TMEM266: variants seen among roughly 807,000 people sequenced by gnomAD.
TMEM266 encodes transmembrane protein 266, also known as Hv1 related protein 1.
In TMEM266, 33 loss-of-function variants were observed where a neutral mutation model predicts 50.5. The observed-to-expected ratio is 0.65, with a 90% confidence interval of 0.50 to 0.87. TMEM266 has a LOEUF of 0.87. TMEM266 is among the 40% of genes least tolerant of loss of function. The pLI is 0.00. For missense variants in TMEM266, 655 were observed against 695.1 expected (o/e 0.94, Z 0.65); for synonymous variants, 310 against 292.3 (o/e 1.06, Z -0.62).
At chr15:76,095,438 C>A (rs1253268673) in intron 1 of TMEM266, among the ~76,000 whole-genome samples, 1 of 152,172 alleles carries the variant, frequency 6.6e-6, no homozygotes, top group Non-Finnish European at 1.5e-5. Flanking sequence ...ATATGTTGAA[C>A]CAGCCTTGCA....
At chr15:76,125,224 G>T (rs548876377) in intron 1 of TMEM266, among the ~76,000 whole-genome samples, 93 of 152,194 alleles carry the variant, frequency 6.1e-4, no homozygotes, top group African/African-American at 2.2e-3. Context: ...GCTTGACATT[G>T]GTCTTGGCAT....
At chr15:76,176,506 G>T (rs1448006663) in intron 8 of TMEM266, 1 of 152,702 alleles carries the variant, frequency 6.5e-6, no homozygotes, top group Non-Finnish European at 1.5e-5. Flanking sequence ...GGACTGGCAA[G>T]GTGGTGGGAA....
intron 1 of TMEM266, among the ~76,000 whole-genome samples, chr15:76,064,073 A>G (rs2036363641): frequency 6.6e-6 from 1 of 152,150 alleles, no homozygotes. Context: ...TGTAATGGGA[A>G]TGCATAATGT....
In TMEM266 at chr15:76,156,719, C is replaced by T; in HGVS notation, c.343C>T (p.Leu115=). 1 of 1,614,188 alleles carries T rather than the reference C, an allele frequency of 6.2e-7. No individual in the cohort carries two copies. Among genetic ancestry groups the T allele is most frequent in the Non-Finnish European group, 8.5e-7 (1 of 1,180,014 alleles). Residue 115 remains leucine, a synonymous_variant, in exon 4 of 11, where the codon CTG becomes TTG. Transcript: ENST00000388942. The stretch of plus-strand genomic sequence containing the variant: ...CTGTGTAATATTGGTGGTGATTCTC[C>T]TGACTCTGGAACTTCTAATAGATAT...
In TMEM266 at chr15:76,160,855, C is replaced by T. The variant is rs758192154; in HGVS notation, c.456+687C>T. Among the ~76,000 whole-genome samples the T allele has an allele frequency of 3.3e-5, 5 of 152,154 alleles. No individual in the cohort carries two copies. The highest frequency in any genetic ancestry group is 9.7e-5 in the African/African-American group (4 of 41,426). ...AAGTTTATGGAGATCCGCAGGCCCCCGGGCTTGGTGCAGAAGCTGGCATGT... is the reference window on the plus strand; with the variant it reads ...AAGTTTATGGAGATCCGCAGGCCCCTGGGCTTGGTGCAGAAGCTGGCATGT... On this transcript the variant is annotated intron_variant, in intron 5 of 10. Transcript: ENST00000388942. The surrounding 1 kb of genome is among the most constrained non-coding windows in gnomAD (Gnocchi z 5.7).
chr15:76,174,450 C>T lies in TMEM266; in HGVS notation c.653-1109C>T, dbSNP rs577414919. Among the ~76,000 whole-genome samples, 11 of 152,158 alleles carry T rather than the reference C, an allele frequency of 7.2e-5. 1 individual carries two copies. The South Asian group carries it at 2.3e-3, about 32-fold the overall frequency. Reference sequence around the variant, plus strand: ...CCTGTAATCCCAGCTGCTCGGGAGGCTGAGGCTGGAGAATCACTTGAACTT... The same window carrying T: ...CCTGTAATCCCAGCTGCTCGGGAGGTTGAGGCTGGAGAATCACTTGAACTT... On this transcript the variant is annotated intron_variant, in intron 7 of 10. Transcript: ENST00000388942.
At chr15:76,179,731 G>A (rs1442080066) in intron 8 of TMEM266, among the ~76,000 whole-genome samples, 1 of 152,120 alleles carries the variant, frequency 6.6e-6, no homozygotes, top group Non-Finnish European at 1.5e-5. Context: ...TTTCCAAACT[G>A]AATTCACATA....
intron 9 of TMEM266, among the ~76,000 whole-genome samples, chr15:76,198,237 G>A (rs1242444552): frequency 1.3e-5 from 2 of 152,184 alleles, no homozygotes; most frequent in African/African-American, 4.8e-5. Flanking sequence ...CTGCAGAGCC[G>A]GGTTGGCCCT....
intron 9 of TMEM266, among the ~76,000 whole-genome samples, chr15:76,195,166 G>C (rs2460151): frequency 0.21 from 31,882 of 152,004 alleles, 3,715 homozygotes; most frequent in African/African-American, 0.3. Context: ...TCTCCACACC[G>C]TTCCCTGGCA....
At chr15:76,181,714 G>C (rs1420317777) in intron 8 of TMEM266, among the ~76,000 whole-genome samples, 1 of 152,002 alleles carries the variant, frequency 6.6e-6, no homozygotes, top group Admixed American at 6.6e-5. Context: ...TCTCTGTCTT[G>C]GCTGCTTCAG....
rs141745119 is a variant in TMEM266, at chr15:76,065,500, C to A, written c.-97+5484C>A. Among the ~76,000 whole-genome samples, 16 of 152,350 alleles carry A rather than the reference C, an allele frequency of 1.1e-4. No individual in the cohort carries two copies. The East Asian group carries it at 2.5e-3, about 24-fold the overall frequency. On this transcript the variant is annotated intron_variant, in intron 1 of 10. Transcript: ENST00000388942. ...TGTCCGTGTCTATCTGGTCTCTCCT[C>A]TGCTGTCATCCTTCCTGTTCTATCA... is the stretch of plus-strand genomic sequence containing the variant.
chr15:76,143,030 T>A (rs1245479353), intron 3 of TMEM266, among the ~76,000 whole-genome samples: 1 of 152,168 alleles, frequency 6.6e-6, no homozygotes, highest in African/African-American at 2.4e-5. Context: ...GCAGATGACC[T>A]CCTCTCCCAG....
intron 1 of TMEM266, among the ~76,000 whole-genome samples, chr15:76,127,542 CCTCTTA>C: frequency 6.6e-6 from 1 of 152,102 alleles, no homozygotes. Flanking sequence ...GCCAAGCTGG[CCTCTTA>C]CTCCTGATAT....
At chr15:76,165,238 G>C (rs1488358065) in intron 5 of TMEM266, among the ~76,000 whole-genome samples, 1 of 152,244 alleles carries the variant, frequency 6.6e-6, no homozygotes, top group Non-Finnish European at 1.5e-5. Context: ...GAAGAGATGA[G>C]GGGAGTCCCT....
At position 76,203,977 on chromosome 15, in the gene TMEM266, T is replaced by C; in HGVS notation, c.1258T>C (p.Ser420Pro). Residue 420 changes from serine (S) to proline (P), a missense_variant, in exon 11 of 11, where the codon TCT (serine) becomes CCT (proline). Around this residue, in one of 3 missense-constraint regions of TMEM266, gnomAD observed 455 missense variants for 401.8 expected, o/e 1.13. Coordinates refer to ENST00000388942, the MANE Select transcript of TMEM266 (RefSeq NM_152335.3). ...CAGCACTGCCCGCGAGGAGCCGTCC[T>C]CTGAGCCCGGCCCTTCTCCCCCGCC... 1 of 1,610,242 alleles carries C rather than the reference T, an allele frequency of 6.2e-7. No homozygotes were observed. Among genetic ancestry groups the C allele is most frequent in the Non-Finnish European group, 8.5e-7 (1 of 1,177,268 alleles).
chr15:76,083,015 A>G (rs531064112), intron 1 of TMEM266, among the ~76,000 whole-genome samples: 1 of 151,980 alleles, frequency 6.6e-6, no homozygotes, highest in East Asian at 1.9e-4. Flanking sequence ...GGCATGAACT[A>G]ACAGAGCAAG....
In TMEM266 at chr15:76,161,711, AG is replaced by A. The variant is rs2038020886; in HGVS notation, c.456+1544del. ...AGAAGGGGTCCTAACCACCTCCCTG[AG>A]ACCATTGCCCTGGAGGTGCCTCTGC... On this transcript the variant is annotated intron_variant, in intron 5 of 10. Coordinates refer to ENST00000388942, the MANE Select transcript of TMEM266 (RefSeq NM_152335.3). The surrounding 1 kb of genome is among the most constrained non-coding windows in gnomAD (Gnocchi z 4.1). 6.6e-6 allele frequency among the ~76,000 whole-genome samples: 1 copy of A among 152,138 alleles called. No individual in the cohort carries two copies. Among genetic ancestry groups the A allele is most frequent in the Non-Finnish European group, 1.5e-5 (1 of 68,024 alleles).
chr15:76,064,583 G>A (rs573139582), intron 1 of TMEM266, among the ~76,000 whole-genome samples: 73 of 152,088 alleles, frequency 4.8e-4, no homozygotes, highest in Non-Finnish European at 9.3e-4. Flanking sequence ...TCCTCCTCCC[G>A]GATGGCTTTA....
intron 1 of TMEM266, among the ~76,000 whole-genome samples, chr15:76,063,793 CCA>C (rs1157122691): frequency 6.6e-6 from 1 of 152,156 alleles, no homozygotes; most frequent in Non-Finnish European, 1.5e-5. Context: ...TTCCAGCTTC[CCA>C]CACTTTTTGT....
Sources: gnomAD v4.1 joint callset for allele counts (sites outside exome capture counted in the v4.1 genomes callset) on GRCh38, gnomAD v4.1.1 for gene constraint, gnomAD v4.1.1 regional missense constraint, Gnocchi (gnomAD v3.1) non-coding constraint, MANE v1.5 for transcripts, NCBI Gene and HGNC (gene_info 2026-07-23, HGNC 2026-07-21) for gene names.